Variants in GRID2 observed in about 807,000 individuals in gnomAD.
GRID2 encodes the protein glutamate ionotropic receptor delta type subunit 2, also known as glutamate receptor ionotropic, delta-2.
Under a neutral mutation model 114.8 loss-of-function variants are expected in GRID2, and 33 were observed. That is an observed-to-expected ratio of 0.29 (90% CI 0.22 to 0.38). The LOEUF is 0.38. GRID2 is among the 10% of genes least tolerant of loss of function. The probability of loss-of-function intolerance (pLI) is 1.00; values close to 1 mark genes in which losing one functional copy is unlikely to be tolerated. For missense variants in GRID2, 1,184 were observed against 1,257.7 expected, an observed-to-expected ratio of 0.94 and a Z score of 0.89; for synonymous variants, 505 against 449.9, an observed-to-expected ratio of 1.12 and a Z score of -1.55.
At chr4:92,513,011 T>C (rs535966861) in intron 1 of GRID2, among the ~76,000 whole-genome samples, 2 of 151,996 alleles carry the variant, frequency 1.3e-5, no homozygotes, top group South Asian at 2.1e-4. Flanking sequence ...AAGATTAACA[T>C]ATAGAATGGC....
At chr4:93,481,599 C>A (rs1229817476) in intron 11 of GRID2, among the ~76,000 whole-genome samples, 1 of 152,074 alleles carries the variant, frequency 6.6e-6, no homozygotes, top group Non-Finnish European at 1.5e-5. Flanking sequence ...TTCAAAATCA[C>A]TATTATTGCC....
At chr4:93,352,569 G>T (rs1760908370) in intron 8 of GRID2, among the ~76,000 whole-genome samples, 1 of 152,026 alleles carries the variant, frequency 6.6e-6, no homozygotes, top group Non-Finnish European at 1.5e-5. Flanking sequence ...CTCACAACTA[G>T]CAAGTGGTGT....
At chr4:92,449,675 T>TATATA (rs1560638476) in intron 1 of GRID2, among the ~76,000 whole-genome samples, 14 of 43,006 alleles carry the variant, frequency 3.3e-4, no homozygotes, top group Non-Finnish European at 5.9e-4. Context: ...CTTTTCTTAC[T>TATATA]GATATATATA....
rs1188493589 is a variant in GRID2 at position 93,515,279 on chromosome 4, A to C, written c.2061A>C (p.Val687=). Residue 687 remains valine (V), a synonymous_variant, in exon 13 of 16, where the codon GTA becomes GTC. Transcript: ENST00000282020. ...IPYGTVLDSA[V]YEHVRMKGLN... Reference sequence around the variant, plus strand: ...ATGGCACAGTCCTAGACTCTGCGGTATATGAGCATGTCCGCATGAAAGGAC... The same window carrying C: ...ATGGCACAGTCCTAGACTCTGCGGTCTATGAGCATGTCCGCATGAAAGGAC... 1 of 1,609,690 alleles carries C rather than the reference A, an allele frequency of 6.2e-7. No homozygotes were observed. The highest frequency in any genetic ancestry group is 1.3e-5 in the African/African-American group (1 of 74,948).
chr4:92,704,723 T>TCTCTCTCTCTCTCTCTCTCTCTC (rs1734861937), intron 2 of GRID2, among the ~76,000 whole-genome samples: 3 of 90,092 alleles, frequency 3.3e-5, no homozygotes, highest in Admixed American at 1.2e-4. Flanking sequence ...CTCTCTCTCT[T>TCTCTCTCTCTCTCTCTCTCTCTC]TCTCTCTCTC....
At chr4:92,471,927 T>TATGAATGTCAA (rs1560653188) in intron 1 of GRID2, among the ~76,000 whole-genome samples, 1 of 30,620 alleles carries the variant, frequency 3.3e-5, no homozygotes. Context: ...TCCATATTTC[T>TATGAATGTCAA]TTTTTTTTTT....
chr4:92,830,446 G>A (rs1202505330), intron 2 of GRID2, among the ~76,000 whole-genome samples: 1 of 151,926 alleles, frequency 6.6e-6, no homozygotes. Context: ...ATTCATTATG[G>A]TACCACTTTG....
intron 1 of GRID2, among the ~76,000 whole-genome samples, chr4:92,330,752 C>T (rs1172770568): frequency 6.6e-6 from 1 of 151,742 alleles, no homozygotes; most frequent in East Asian, 1.9e-4. Flanking sequence ...TATATATAAT[C>T]ATATAGCCTG....
intron 1 of GRID2, among the ~76,000 whole-genome samples, chr4:92,329,074 A>G (rs567172796): frequency 6.4e-4 from 97 of 152,162 alleles, no homozygotes; most frequent in African/African-American, 2.2e-3. Context: ...GCACACGTGC[A>G]TGCTAATTTT....
intron 2 of GRID2, among the ~76,000 whole-genome samples, chr4:92,704,701 A>ATCAATCTCTCTCTCTCTCTCTT (rs1553918654): frequency 0.015 from 1,688 of 113,668 alleles, 44 homozygotes; most frequent in African/African-American, 0.053. Flanking sequence ...CAATCAATCA[A>ATCAATCTCTCTCTCTCTCTCTT]TCTCTCTCTC....
rs1170734784 is a variant in GRID2 at position 92,817,970 on chromosome 4, C to T, written c.244+227684C>T. ...AGTCAGGCCAATGCTATGTTTGCCG[C>T]TAAAAACTATGTTATCCAAAAGATG... On this transcript the variant is annotated intron_variant, in intron 2 of 15. Transcript: ENST00000282020. Among the ~76,000 whole-genome samples, 3 of 152,092 alleles carry T rather than the reference C, an allele frequency of 2.0e-5. No individual in the cohort carries two copies. In the East Asian group the frequency reaches 5.8e-4, roughly 29 times the overall value.
intron 4 of GRID2, among the ~76,000 whole-genome samples, chr4:93,188,733 G>A (rs1740679171): frequency 6.6e-6 from 1 of 151,832 alleles, no homozygotes; most frequent in Non-Finnish European, 1.5e-5. Context: ...TTTACTATAA[G>A]CAATTTAGAG....
rs5860343 is a variant in GRID2 at position 93,721,920 on chromosome 4, C to CTT, written c.2361-47275_2361-47274dup. ...AAGAGGAGAAAATAATTTCTTTTTT[C>CTT]TTTTTTTTTTTTTTTTGAGACGGAA... On this transcript the variant is annotated intron_variant, in intron 14 of 15. Coordinates refer to ENST00000282020, the MANE Select transcript of GRID2 (RefSeq NM_001510.4). 2.4e-3 allele frequency among the ~76,000 whole-genome samples: 323 copies of CTT among 132,570 alleles called. 3 individuals carry two copies. The highest frequency in any genetic ancestry group is 7.7e-3 in the Middle Eastern group (2 of 260). The allele number at this position is 132,570 out of a possible 152,430, so 87.0% of individuals were successfully genotyped here.
intron 13 of GRID2, among the ~76,000 whole-genome samples, chr4:93,528,027 A>G (rs1486426603): frequency 1.3e-5 from 2 of 152,030 alleles, no homozygotes; most frequent in Non-Finnish European, 2.9e-5. Flanking sequence ...ACATTGCAGC[A>G]TGTGTCAGAA....
intron 1 of GRID2, among the ~76,000 whole-genome samples, chr4:93,803,697 G>A (rs758649672): frequency 6.6e-6 from 1 of 151,978 alleles, no homozygotes; most frequent in African/African-American, 2.4e-5. Context: ...ACACCAGCCC[G>A]GGCAACAGTG....
Position 92,666,506 on chromosome 4 carries a change from A to C in GRID2, c.244+76220A>C, listed in dbSNP as rs1209501358. Among the ~76,000 whole-genome samples the C allele has an allele frequency of 7.3e-5, 11 of 151,348 alleles. No homozygotes were observed. In the Admixed American group the frequency reaches 7.3e-4, roughly 10 times the overall value. ...TTTGTGTTGAAAACTGTATATTTTA[A>C]TCCAATAATATGGCAAATTTGGAAC... On this transcript the variant is annotated intron_variant, in intron 2 of 15. Coordinates refer to ENST00000282020, the MANE Select transcript of GRID2 (RefSeq NM_001510.4).
intron 2 of GRID2, among the ~76,000 whole-genome samples, chr4:92,857,172 A>T (rs1424776606): frequency 6.6e-6 from 1 of 152,158 alleles, no homozygotes; most frequent in African/African-American, 2.4e-5. Context: ...TCTTGAGACA[A>T]AACAAGGTTG....
At chr4:92,904,011 A>C (rs1747771911) in intron 2 of GRID2, among the ~76,000 whole-genome samples, 1 of 151,884 alleles carries the variant, frequency 6.6e-6, no homozygotes, top group Non-Finnish European at 1.5e-5. Context: ...AACTCAATGC[A>C]GTTTCTTTTC....
rs115274344 is a variant in GRID2 at position 92,845,171 on chromosome 4, C to T, written c.245-239824C>T. Among the ~76,000 whole-genome samples, 899 of 152,210 alleles carry T rather than the reference C, an allele frequency of 5.9e-3. 16 individuals are homozygous for T. Among genetic ancestry groups the T allele is most frequent in the African/African-American group, 0.02 (851 of 41,544 alleles). Reference sequence around the variant, plus strand: ...ACTCCCAGGGACCACATACCACACCCTGAAAACCACTGGAATAGAGGCACT... The same window carrying T: ...ACTCCCAGGGACCACATACCACACCTTGAAAACCACTGGAATAGAGGCACT... On this transcript the variant is annotated intron_variant, in intron 2 of 15. Transcript: ENST00000282020.
Sources: gnomAD v4.1 joint callset for allele counts (sites outside exome capture counted in the v4.1 genomes callset) on GRCh38, gnomAD v4.1.1 for gene constraint, MANE v1.5 for transcripts, NCBI Gene and HGNC (gene_info 2026-07-23, HGNC 2026-07-21) for gene names.